ADGRL2: variants seen among roughly 807,000 people sequenced by gnomAD.
ADGRL2 encodes the protein calcium-independent alpha-latrotoxin receptor 2.
Under a neutral mutation model 157.4 loss-of-function variants are expected in ADGRL2, and 44 were observed. The observed-to-expected ratio is 0.28, with a 90% CI of 0.22 to 0.36. ADGRL2 has a LOEUF of 0.36. Ranked by LOEUF, ADGRL2 falls within the 10% of genes least tolerant of loss-of-function variation. The pLI, the probability that ADGRL2 is intolerant of heterozygous loss-of-function variation, is 1.00. For missense variants in ADGRL2, 1,510 were observed against 1,768.9 expected, an observed-to-expected ratio of 0.85 and a Z score of 2.63; for synonymous variants, 585 against 624.7, an observed-to-expected ratio of 0.94 and a Z score of 0.95.
At chr1:81,588,790 TC>T (rs2081075954) in intron 3 of ADGRL2, among the ~76,000 whole-genome samples, 1 of 152,206 alleles carries the variant, frequency 6.6e-6, no homozygotes, top group Non-Finnish European at 1.5e-5. Flanking sequence ...TTCTGACTCC[TC>T]CTGATAATCA....
At chr1:81,539,007 CAAAAAAAAAAAA>C (rs71242586) in intron 2 of ADGRL2, among the ~76,000 whole-genome samples, 2 of 82,522 alleles carry the variant, frequency 2.4e-5, no homozygotes, top group Non-Finnish European at 4.5e-5. Context: ...GACCCTGTCT[CAAAAAAAAAAAA>C]AAAAAAAAAG....
At chr1:81,307,818 T>C (rs562763033) in intron 1 of ADGRL2, among the ~76,000 whole-genome samples, 1 of 75,682 alleles carries the variant, frequency 1.3e-5, no homozygotes, top group East Asian at 2.1e-4. Context: ...TGTGCAGTTC[T>C]TTTTCTTTTT....
At chr1:81,428,745 G>C (rs1385257213) in intron 1 of ADGRL2, among the ~76,000 whole-genome samples, 2 of 152,142 alleles carry the variant, frequency 1.3e-5, no homozygotes, top group Non-Finnish European at 2.9e-5. Flanking sequence ...TGCTCTGTTT[G>C]ATGAGATTAT....
chr1:81,852,856 A>G (rs2093062782), intron 2 of ADGRL2, among the ~76,000 whole-genome samples: 1 of 152,144 alleles, frequency 6.6e-6, no homozygotes, highest in Non-Finnish European at 1.5e-5. Flanking sequence ...TGAACTTTTT[A>G]GCTTTATTAA....
chr1:81,910,078 A>T (rs1276521811), intron 3 of ADGRL2, among the ~76,000 whole-genome samples: 2 of 151,800 alleles, frequency 1.3e-5, no homozygotes, highest in Non-Finnish European at 2.9e-5. Flanking sequence ...TGTCTCTACT[A>T]AAAATATAAA....
intron 1 of ADGRL2, among the ~76,000 whole-genome samples, chr1:81,836,625 A>T (rs1039172589): frequency 5.3e-5 from 8 of 152,088 alleles, no homozygotes; most frequent in Non-Finnish European, 7.4e-5. Context: ...GCATTTTCAG[A>T]ATCCCTTTGT....
intron 1 of ADGRL2, among the ~76,000 whole-genome samples, chr1:81,820,204 T>C (rs1203342729): frequency 6.6e-6 from 1 of 152,204 alleles, no homozygotes; most frequent in African/African-American, 2.4e-5. Flanking sequence ...GCTCTCAATG[T>C]ATTTTTTGAA....
At chr1:81,856,620 G>A (rs1330921920) in intron 2 of ADGRL2, among the ~76,000 whole-genome samples, 1 of 152,106 alleles carries the variant, frequency 6.6e-6, no homozygotes, top group Non-Finnish European at 1.5e-5. Flanking sequence ...TAGGCCTGGT[G>A]AGTGATGAAT....
chr1:81,557,789 C>T (rs1466823182), intron 2 of ADGRL2: 1 of 148,540 alleles, frequency 6.7e-6, no homozygotes, highest in Non-Finnish European at 1.5e-5. Flanking sequence ...AGTAGGGGCC[C>T]CTGTAGCTGC....
At chr1:81,579,870 T>C (rs1298787970) in intron 2 of ADGRL2, among the ~76,000 whole-genome samples, 1 of 152,160 alleles carries the variant, frequency 6.6e-6, no homozygotes, top group East Asian at 1.9e-4. Context: ...TGTTTCTATA[T>C]GGCCAAATTG....
rs111966171 is a variant in ADGRL2, at chr1:81,904,625, T to C, written c.74-2392T>C. Among the ~76,000 whole-genome samples, 1,122 of 152,254 alleles carry C rather than the reference T, an allele frequency of 7.4e-3. 16 individuals are homozygous for C. The highest frequency in any genetic ancestry group is 0.026 in the African/African-American group (1,064 of 41,550). ...TAACCCAGTCTTAAAACAAAAACTT[T>C]GGGGCTGGGCACAGTGGCTCATGCC... On this transcript the variant is annotated intron_variant, in intron 2 of 23. Transcript: ENST00000686636.
chr1:81,576,428 A>G (rs2080798987), intron 2 of ADGRL2, among the ~76,000 whole-genome samples: 1 of 152,114 alleles, frequency 6.6e-6, no homozygotes, highest in Non-Finnish European at 1.5e-5. Flanking sequence ...GACAGCCTCC[A>G]AGGACAGGTG....
intron 11 of ADGRL2, among the ~76,000 whole-genome samples, chr1:81,964,085 T>C (rs927106320): frequency 1.3e-5 from 2 of 151,952 alleles, no homozygotes; most frequent in African/African-American, 2.4e-5. Flanking sequence ...GCTTGAAATA[T>C]CTACTGAGAG....
intron 2 of ADGRL2, among the ~76,000 whole-genome samples, chr1:81,498,668 A>G (rs1393016855): frequency 6.6e-6 from 1 of 152,224 alleles, no homozygotes; most frequent in Non-Finnish European, 1.5e-5. Context: ...CAAACAAGCA[A>G]GCTATTCTCT....
Position 81,733,018 on chromosome 1 carries a change from T to A in ADGRL2, c.-142-28793T>A, listed in dbSNP as rs373032231. 3.9e-4 allele frequency among the ~76,000 whole-genome samples: 59 copies of A among 152,346 alleles called. 1 individual carries two copies. In the South Asian group the frequency reaches 0.012, roughly 30 times the overall value. On this transcript the variant is annotated intron_variant, in intron 1 of 20. Transcript: ENST00000359929. The stretch of plus-strand genomic sequence containing the variant: ...TATTCACTATGATGATCTGAGATAC[T>A]GTAGAATTGCATTTATCAAGCTACT...
At chr1:81,523,053 T>TG (rs1557756291) in intron 2 of ADGRL2, among the ~76,000 whole-genome samples, 1 of 123,094 alleles carries the variant, frequency 8.1e-6, no homozygotes, top group African/African-American at 4.7e-5. Context: ...AAAAGTTACC[T>TG]GGAAAAAAAA....
intron 1 of ADGRL2, among the ~76,000 whole-genome samples, chr1:81,356,011 G>A (rs1157656922): frequency 6.6e-6 from 1 of 152,056 alleles, no homozygotes; most frequent in Non-Finnish European, 1.5e-5. Context: ...TATGAACAAT[G>A]TTAGCTTCAG....
In ADGRL2 at chr1:81,987,042, T is replaced by C. The variant is rs1278437395; in HGVS notation, c.3637+13T>C. 4.4e-6 allele frequency: 7 copies of C among 1,608,002 alleles called. No homozygotes were observed. The East Asian group carries it at 1.3e-4, about 31-fold the overall frequency. On this transcript the variant is annotated intron_variant, in intron 22 of 23. Coordinates refer to ENST00000686636, the MANE Select transcript of ADGRL2 (RefSeq NM_001366006.2). Reference sequence around the variant, plus strand: ...TTTAACTCACCAGGTGTGCTTTACTTACAAATAAAACTACCTTTCTTTGCT... The same window carrying C: ...TTTAACTCACCAGGTGTGCTTTACTCACAAATAAAACTACCTTTCTTTGCT...
chr1:81,427,602 G>A (rs866774121), intron 1 of ADGRL2: 9 of 703,296 alleles, frequency 1.3e-5, no homozygotes, highest in Middle Eastern at 5.0e-4. Context: ...TATAGGAGCA[G>A]AAGGTTTTGA....
Sources: allele counts gnomAD v4.1 joint callset (sites outside exome capture counted in the v4.1 genomes callset), GRCh38; gene constraint gnomAD v4.1.1; transcripts MANE v1.5; gene names NCBI Gene and HGNC (gene_info 2026-07-23, HGNC 2026-07-21).